The following ITPR1 variants were observed in gnomAD, a reference collection of about 807,000 sequenced individuals.
ITPR1 encodes the protein inositol 1,4,5-trisphosphate receptor type 1, also known as inositol 1,4,5-trisphosphate-gated calcium channel ITPR1.
Under a neutral mutation model 318.4 loss-of-function variants are expected in ITPR1, and 96 were observed. The ratio of observed to expected loss-of-function variants is 0.30; its 90% CI spans 0.26 to 0.36. The LOEUF is 0.36. Among genes scored for constraint, ITPR1 ranks in the 10% least tolerant of loss-of-function variants. The pLI is 1.00. For missense variants in ITPR1, 2,440 were observed against 3,460.2 expected (o/e 0.71, Z 7.40); for synonymous variants, 1,312 against 1,289.9 (o/e 1.02, Z -0.37).
chr3:4,526,311 T>G (rs953722351), intron 4 of ITPR1, among the ~76,000 whole-genome samples: 8 of 152,232 alleles, frequency 5.3e-5, no homozygotes, highest in South Asian at 2.1e-4. Flanking sequence ...ACTAAGTGGT[T>G]CATATGAATT....
intron 44 of ITPR1, among the ~76,000 whole-genome samples, chr3:4,743,533 G>A (rs556034529): frequency 4.3e-4 from 66 of 152,340 alleles, no homozygotes; most frequent in Non-Finnish European, 8.1e-4. Flanking sequence ...TCATCTGTGA[G>A]TCCCTCCAGG....
intron 39 of ITPR1, among the ~76,000 whole-genome samples, chr3:4,715,731 T>C (rs1178387349): frequency 2.0e-5 from 3 of 152,186 alleles, no homozygotes; most frequent in African/African-American, 7.2e-5. Flanking sequence ...CACACTCCTA[T>C]AATCCCAGCT....
chr3:4,789,095 C>A (rs577339354), intron 52 of ITPR1, among the ~76,000 whole-genome samples: 30 of 152,164 alleles, frequency 2.0e-4, no homozygotes, highest in Non-Finnish European at 3.7e-4. Context: ...GAAGGTTCGC[C>A]CAAAGGTCCC....
intron 5 of ITPR1, among the ~76,000 whole-genome samples, chr3:4,631,084 T>C (rs1230371262): frequency 1.3e-5 from 2 of 152,228 alleles, no homozygotes; most frequent in African/African-American, 4.8e-5. Context: ...GAACTTCCCC[T>C]GCAAATAAAG....
intron 60 of ITPR1, 25 bp from the exon 61 acceptor site, chr3:4,836,735 CTTTTTTTTTTTTTT>C (rs201029025): frequency 4.7e-6 from 5 of 1,069,818 alleles, no homozygotes; most frequent in South Asian, 5.9e-5. Context: ...GTGACTCAGT[CTTTTTTTTTTTTTT>C]TTTTTTTTTT....
chr3:4,729,348 T>G (rs2042742234), intron 42 of ITPR1, among the ~76,000 whole-genome samples: 2 of 152,180 alleles, frequency 1.3e-5, no homozygotes, highest in South Asian at 4.1e-4. Context: ...GGATATTAAC[T>G]TGTAGATACC....
chr3:4,616,101 T>G (rs1350605022), intron 4 of ITPR1, among the ~76,000 whole-genome samples: 1 of 152,226 alleles, frequency 6.6e-6, no homozygotes, highest in East Asian at 1.9e-4. Flanking sequence ...GACACAACAG[T>G]GTTTCACTGG....
At position 4,847,117 on chromosome 3, in the gene ITPR1, C is replaced by T. The variant is rs1245156204; in HGVS notation, c.*892C>T. Reference sequence around the variant, plus strand: ...ATTGATGGTTTCTAGATTATCTAGTCCAAACAATAGAGTTTATTTTTTCTT... The same window carrying T: ...ATTGATGGTTTCTAGATTATCTAGTTCAAACAATAGAGTTTATTTTTTCTT... On this transcript the variant is annotated 3_prime_UTR_variant, in exon 62 of 62. Transcript: ENST00000649015. 6.6e-6 allele frequency: 1 copy of T among 152,524 alleles called. No homozygotes were observed. The highest frequency in any genetic ancestry group is 1.9e-4 in the East Asian group (1 of 5,194). 9.4% of individuals were successfully genotyped at this position (152,524 alleles called of 1,614,324 possible). A position where few individuals can be genotyped will look rare whatever the true frequency, so the allele number is the denominator to read the frequency against.
At chr3:4,740,093 C>T (rs982910541) in intron 44 of ITPR1, among the ~76,000 whole-genome samples, 7 of 152,220 alleles carry the variant, frequency 4.6e-5, no homozygotes, top group South Asian at 2.1e-4. Flanking sequence ...ATTTCAAAGG[C>T]GGGGAGAAAA....
chr3:4,770,673 G>A (rs541048627), intron 46 of ITPR1, among the ~76,000 whole-genome samples: 1 of 152,284 alleles, frequency 6.6e-6, no homozygotes, highest in Admixed American at 6.5e-5. Context: ...TCAGCCATCG[G>A]TTTCCTTAGT....
chr3:4,710,337 G>A lies in ITPR1; in HGVS notation c.4855G>A (p.Ala1619Thr), dbSNP rs377441762. 2.5e-5 allele frequency: 39 copies of A among 1,561,836 alleles called. No homozygotes were observed. The highest frequency in any genetic ancestry group is 4.7e-5 in the East Asian group (2 of 42,506). Residue 1619 changes from alanine (A) to threonine (T), a missense_variant, in exon 38 of 62, where the codon GCG becomes ACG. By Grantham distance (58) the Ala-to-Thr change is moderately conservative. Transcript: ENST00000649015. This position sits in a 1 kb window ranked among gnomAD's most constrained non-coding sequence, Gnocchi z 4.2. The stretch of plus-strand genomic sequence containing the variant: ...GTTTCCGTTTTAGGACATCGTCTCC[G>A]CGCTGGAGGACCGTCTCAGGCCCCT... ...IIERLQDIVS[A>T]LEDRLRPLVQ...
chr3:4,577,912 C>A (rs1044116421), intron 4 of ITPR1, among the ~76,000 whole-genome samples: 1 of 152,186 alleles, frequency 6.6e-6, no homozygotes, highest in Non-Finnish European at 1.5e-5. Context: ...GTTTCTTGTT[C>A]TGCTCTCCCC....
chr3:4,726,366 C>T (rs540928331), intron 41 of ITPR1, among the ~76,000 whole-genome samples: 1 of 150,556 alleles, frequency 6.6e-6, no homozygotes, highest in Admixed American at 6.6e-5. Context: ...AATCTATCCT[C>T]CTTGCTGCTA....
At chr3:4,606,890 A>G (rs2091744044) in intron 4 of ITPR1, among the ~76,000 whole-genome samples, 1 of 152,180 alleles carries the variant, frequency 6.6e-6, no homozygotes, top group Admixed American at 6.5e-5. Flanking sequence ...AAGGCACAGA[A>G]GAGTGCTGCA....
chr3:4,523,766 A>C (rs533250559), intron 4 of ITPR1, among the ~76,000 whole-genome samples: 1 of 152,332 alleles, frequency 6.6e-6, no homozygotes, highest in African/African-American at 2.4e-5. Context: ...GTTTGAATAC[A>C]GGGTTAGAAT....
chr3:4,561,882 C>T (rs936908868), intron 4 of ITPR1, among the ~76,000 whole-genome samples: 2 of 152,042 alleles, frequency 1.3e-5, no homozygotes, highest in African/African-American at 4.8e-5. Context: ...CTCAGGATGG[C>T]TATTTTTCTT....
chr3:4,679,354 C>T (rs1320481231), intron 24 of ITPR1, among the ~76,000 whole-genome samples: 1 of 152,216 alleles, frequency 6.6e-6, no homozygotes, highest in East Asian at 1.9e-4. Context: ...GTCCCCCAGT[C>T]TGCCACAGCA....
At chr3:4,762,279 C>T (rs759885360) in intron 44 of ITPR1, among the ~76,000 whole-genome samples, 18 of 152,184 alleles carry the variant, frequency 1.2e-4, no homozygotes, top group Non-Finnish European at 7.3e-5. Flanking sequence ...TGCCTGAGCT[C>T]CTGGTAGCTT....
intron 4 of ITPR1, among the ~76,000 whole-genome samples, chr3:4,543,662 T>C (rs893475914): frequency 2.0e-5 from 3 of 152,234 alleles, no homozygotes; most frequent in Non-Finnish European, 4.4e-5. Context: ...AGGCTGGTCT[T>C]GAACTCCTGA....
Sources: gnomAD v4.1 joint callset for allele counts (sites outside exome capture counted in the v4.1 genomes callset) on GRCh38, gnomAD v4.1.1 for gene constraint, Gnocchi (gnomAD v3.1) non-coding constraint, MANE v1.5 for transcripts, NCBI Gene and HGNC (gene_info 2026-07-23, HGNC 2026-07-21) for gene names.